Variants in AP2M1 observed in about 807,000 individuals in gnomAD.
AP2M1 encodes adaptor related protein complex 2 subunit mu 1.
Under a neutral mutation model 54.5 loss-of-function variants are expected in AP2M1, and 5 were observed. The observed-to-expected ratio is 0.09, with a 90% CI of 0.05 to 0.19. The LOEUF is 0.19. Ranked by LOEUF, AP2M1 falls within the 10% of genes least tolerant of loss-of-function variation. The pLI is 1.00. For synonymous variants in AP2M1, 186 were observed against 208.2 expected (o/e 0.89, Z 0.92); for missense variants, 178 against 580.2 (o/e 0.31, Z 7.12).
At position 184,177,413 on chromosome 3, in the gene AP2M1, A is replaced by T; in HGVS notation, c.74+346A>T. On this transcript the variant is annotated intron_variant, in intron 2 of 11. Coordinates refer to ENST00000292807, the MANE Select transcript of AP2M1 (RefSeq NM_004068.4). ...AGAAATGTCTCCAGTGGGTGGGGTT[A>T]GTGGCCACGCTGGAGGCACTAATCC... 1.9e-5 allele frequency: 15 copies of T among 793,794 alleles called. No homozygotes were observed. In the South Asian group the frequency reaches 2.4e-4, roughly 13 times the overall value. The allele number at this position is 793,794 out of a possible 1,614,324, so 49.2% of individuals were successfully genotyped here.
Position 184,177,066 on chromosome 3 carries a change from G to C in AP2M1, c.73G>C (p.Gly25Arg). The change falls in exon 2 of 12, where the codon GGG (glycine) becomes CGG (arginine). Residue 25 changes from glycine (G) to arginine (R), a missense_variant and splice_region_variant. Coordinates refer to ENST00000292807, the MANE Select transcript of AP2M1 (RefSeq NM_004068.4). ...LISRVYRDDI[G>R]RNAVDAFRVN... ...CTCCCGAGTCTACCGAGATGACATC[G>C]GGTGAGTCCCCTGGCGGAGCCAGCT... 1 of 1,613,198 alleles carries C rather than the reference G, an allele frequency of 6.2e-7. No homozygotes were observed. Among genetic ancestry groups the C allele is most frequent in the South Asian group, 1.1e-5 (1 of 90,944 alleles).
In AP2M1 at chr3:184,178,458, C is replaced by T. The variant is rs905542191; in HGVS notation, c.75-399C>T. Reference sequence around the variant, plus strand: ...CCCTCCCCACTGGTGGGATCACTAGCGGGAGGACTGAAGAAGCAGTGTCTC... The same window carrying T: ...CCCTCCCCACTGGTGGGATCACTAGTGGGAGGACTGAAGAAGCAGTGTCTC... On this transcript the variant is annotated intron_variant, in intron 2 of 11. Coordinates refer to ENST00000292807, the MANE Select transcript of AP2M1 (RefSeq NM_004068.4). This position sits in a 1 kb window ranked among gnomAD's most constrained non-coding sequence, Gnocchi z 4.9. Among the ~76,000 whole-genome samples, 3 of 152,234 alleles carry T rather than the reference C, an allele frequency of 2.0e-5. No individual in the cohort carries two copies. Among genetic ancestry groups the T allele is most frequent in the Non-Finnish European group, 4.4e-5 (3 of 68,040 alleles).
intron 2 of AP2M1, chr3:184,177,846 TG>T: frequency 1.7e-6 from 1 of 593,044 alleles, no homozygotes; most frequent in East Asian, 2.8e-5. Flanking sequence ...TCAGAGAGCT[TG>T]AGATAAAGTC....
chr3:184,179,235 C>A (rs1164090368), intron 3 of AP2M1, 113 bp downstream of exon 3: 70 of 1,363,130 alleles, frequency 5.1e-5, no homozygotes, highest in Non-Finnish European at 6.7e-5. Context: ...AACTTTCTTT[C>A]CTGAGTATTT....
intron 1 of AP2M1, among the ~76,000 whole-genome samples, chr3:184,175,906 A>G (rs1395521863): frequency 6.6e-6 from 1 of 152,200 alleles, no homozygotes; most frequent in Admixed American, 6.5e-5. Context: ...AGACCTTGAC[A>G]GCCACAGGAA....
In AP2M1 at chr3:184,178,225, T is replaced by TA. The variant is rs1332762452; in HGVS notation, c.75-630dup. ...TCTCATTGGCTGCCGTAGCAATAGG[T>TA]AAGCGGCCTCTCAAGCTGCTGCCCA... On this transcript the variant is annotated intron_variant, in intron 2 of 11. Coordinates refer to ENST00000292807, the MANE Select transcript of AP2M1 (RefSeq NM_004068.4). The surrounding 1 kb of genome is among the most constrained non-coding windows in gnomAD (Gnocchi z 4.9). 40 of 1,536,044 alleles carry TA rather than the reference T, an allele frequency of 2.6e-5. No homozygotes were observed. The East Asian group carries it at 9.8e-4, about 38-fold the overall frequency.
chr3:184,182,890 G>A lies in AP2M1; in HGVS notation c.1173+22G>A. ...TGAGGTATGGCAGAGGAGGGGCCTA[G>A]AGTCATGCCAGGGTATGCTGGAAGA... On this transcript the variant is annotated intron_variant, in intron 11 of 11. Transcript: ENST00000292807. This position sits in a 1 kb window ranked among gnomAD's most constrained non-coding sequence, Gnocchi z 5.5. 6.3e-7 allele frequency: 1 copy of A among 1,599,064 alleles called. No homozygotes were observed. Among genetic ancestry groups the A allele is most frequent in the Non-Finnish European group, 8.6e-7 (1 of 1,167,054 alleles).
chr3:184,178,341 T>C lies in AP2M1; in HGVS notation c.75-516T>C. The C allele has an allele frequency of 7.7e-7, 1 of 1,296,230 alleles. No individual in the cohort carries two copies. The highest frequency in any genetic ancestry group is 1.1e-6 in the Non-Finnish European group (1 of 928,148). The allele number at this position is 1,296,230 out of a possible 1,614,324, so 80.3% of individuals were successfully genotyped here. A position where few individuals can be genotyped will look rare whatever the true frequency, so the allele number is the denominator to read the frequency against. Reference sequence around the variant, plus strand: ...TCTGGAGTTGGATCCTGGGCAAGAATGGGTAGCACAATTCCATGGCCCCTT... The same window carrying C: ...TCTGGAGTTGGATCCTGGGCAAGAACGGGTAGCACAATTCCATGGCCCCTT... On this transcript the variant is annotated intron_variant, in intron 2 of 11. Coordinates refer to ENST00000292807, the MANE Select transcript of AP2M1 (RefSeq NM_004068.4). The surrounding 1 kb of genome is among the most constrained non-coding windows in gnomAD (Gnocchi z 4.9).
intron 3 of AP2M1, chr3:184,179,946 C>G: frequency 1.7e-6 from 1 of 579,124 alleles, no homozygotes; most frequent in Non-Finnish European, 3.1e-6. Context: ...CAGGCATGAG[C>G]CACTGCACCT....
chr3:184,180,749 C>A lies in AP2M1; in HGVS notation c.429+99C>A, dbSNP rs886565741. The A allele has an allele frequency of 3.1e-6, 5 of 1,613,852 alleles. No homozygotes were observed. The African/African-American group carries it at 6.7e-5, about 22-fold the overall frequency. On this transcript the variant is annotated intron_variant, in intron 5 of 11. Coordinates refer to ENST00000292807, the MANE Select transcript of AP2M1 (RefSeq NM_004068.4). The surrounding 1 kb of genome is among the most constrained non-coding windows in gnomAD (Gnocchi z 4.9). ...GGGGAAAATGGATTACAGGTGGGGA[C>A]TAGAAGGGATGGGGAATGAGGGTGG...
intron 1 of AP2M1, 72 bp from the exon 2 acceptor site, chr3:184,176,879 C>A (rs1230046854): frequency 1.8e-6 from 2 of 1,096,994 alleles, no homozygotes; most frequent in Non-Finnish European, 2.6e-6. Flanking sequence ...GCTCCAGTGA[C>A]CTGCACAGCT....
chr3:184,177,438 C>G, intron 2 of AP2M1: 1 of 1,062,424 alleles, frequency 9.4e-7, no homozygotes. Flanking sequence ...GGCACTAATC[C>G]ATCTAAGCCT....
chr3:184,181,821 A>G lies in AP2M1; in HGVS notation c.827+6A>G, dbSNP rs1373734689. On this transcript the variant is annotated splice_donor_region_variant and intron_variant, in intron 8 of 11. Coordinates refer to ENST00000292807, the MANE Select transcript of AP2M1 (RefSeq NM_004068.4). This position sits in a 1 kb window ranked among gnomAD's most constrained non-coding sequence, Gnocchi z 5.7. ...GGAGAGTTTGAGCTTATGAGGTGCCATTGGGGTGTGAGGAGGCAGCTAGTG... is the reference window on the plus strand; with the variant it reads ...GGAGAGTTTGAGCTTATGAGGTGCCGTTGGGGTGTGAGGAGGCAGCTAGTG... 1 of 1,614,174 alleles carries G rather than the reference A, an allele frequency of 6.2e-7. No individual in the cohort carries two copies. The highest frequency in any genetic ancestry group is 8.5e-7 in the Non-Finnish European group (1 of 1,180,036).
chr3:184,174,946 GC>G lies in AP2M1; in HGVS notation c.-55del. 2.5e-6 allele frequency: 1 copy of G among 398,854 alleles called. No individual in the cohort carries two copies. The allele number at this position is 398,854 out of a possible 1,614,324, so 24.7% of individuals were successfully genotyped here. ...AGTGGCCGGGCCGGCAGAGCAGGGG[GC>G]CGAGGACACCAGGTGAGCCGGGGAT... On this transcript the variant is annotated 5_prime_UTR_variant, in exon 1 of 12. Transcript: ENST00000292807.
Position 184,183,260 on chromosome 3 carries a change from T to C in AP2M1, c.1174-222T>C, listed in dbSNP as rs1036861964. On this transcript the variant is annotated intron_variant, in intron 11 of 11. Transcript: ENST00000292807. The surrounding 1 kb of genome is among the most constrained non-coding windows in gnomAD (Gnocchi z 5.7). ...AGTATGTTCTAAAGCAGTTCTTTGG[T>C]TGCTGTCTCCTGCTGATTAAAGGAA... is the stretch of plus-strand genomic sequence containing the variant. The C allele has an allele frequency of 9.9e-6, 6 of 606,728 alleles. No homozygotes were observed. Among genetic ancestry groups the C allele is most frequent in the African/African-American group, 7.4e-5 (4 of 54,224 alleles). The allele number at this position is 606,728 out of a possible 1,614,324, so 37.6% of individuals were successfully genotyped here.
intron 1 of AP2M1, 25 bp from the exon 2 acceptor site, chr3:184,176,926 T>C: frequency 6.5e-7 from 1 of 1,541,836 alleles, no homozygotes; most frequent in South Asian, 1.2e-5. Context: ...GAGGTCTTCT[T>C]TTACCCTGCC....
rs1715306266 is a variant in AP2M1, at chr3:184,182,479, G to A, written c.1061+231G>A. On this transcript the variant is annotated intron_variant, in intron 10 of 11. Coordinates refer to ENST00000292807, the MANE Select transcript of AP2M1 (RefSeq NM_004068.4). This position sits in a 1 kb window ranked among gnomAD's most constrained non-coding sequence, Gnocchi z 5.5. ...ATGCTTTGGCATTTCCCTTTGTAAT[G>A]TATACATTACAAAGGGAATACATTG... Among the ~76,000 whole-genome samples, 1 of 152,068 alleles carries A rather than the reference G, an allele frequency of 6.6e-6. No individual in the cohort carries two copies. Among genetic ancestry groups the A allele is most frequent in the Non-Finnish European group, 1.5e-5 (1 of 68,024 alleles).
chr3:184,182,726 A>G lies in AP2M1; in HGVS notation c.1062-31A>G, dbSNP rs1223366829. On this transcript the variant is annotated intron_variant, in intron 10 of 11. Transcript: ENST00000292807. This position sits in a 1 kb window ranked among gnomAD's most constrained non-coding sequence, Gnocchi z 5.5. ...TGCCCTTGAAACTCCTCCAAGCCCCAATGGGCTGCCCATTGTCCCTGTGTT... is the reference window on the plus strand; with the variant it reads ...TGCCCTTGAAACTCCTCCAAGCCCCGATGGGCTGCCCATTGTCCCTGTGTT... 2.5e-6 allele frequency: 4 copies of G among 1,601,130 alleles called. No individual in the cohort carries two copies. Among genetic ancestry groups the G allele is most frequent in the Non-Finnish European group, 1.7e-6 (2 of 1,168,874 alleles).
chr3:184,175,026 C>G, intron 1 of AP2M1, 67 bp downstream of exon 1: 1 of 398,232 alleles, frequency 2.5e-6, no homozygotes, highest in Non-Finnish European at 4.4e-6. Flanking sequence ...CGCCGCGCAG[C>G]TTTGTCCTGC....
Sources: gnomAD v4.1 joint callset for allele counts (sites outside exome capture counted in the v4.1 genomes callset) on GRCh38, gnomAD v4.1.1 for gene constraint, Gnocchi (gnomAD v3.1) non-coding constraint, MANE v1.5 for transcripts, NCBI Gene and HGNC (gene_info 2026-07-23, HGNC 2026-07-21) for gene names.